Variants in UBE2E2 observed in about 807,000 individuals in gnomAD.
UBE2E2 encodes ubiquitin conjugating enzyme E2 E2.
In UBE2E2, 6 loss-of-function variants were observed where a neutral mutation model predicts 24.7. That is an observed-to-expected ratio of 0.24 (90% CI 0.13 to 0.48). UBE2E2 has a LOEUF of 0.48. Among genes scored for constraint, UBE2E2 ranks in the 20% least tolerant of loss-of-function variants. The pLI is 0.99. For missense variants in UBE2E2, 169 were observed against 245.0 expected (o/e 0.69, Z 2.07); for synonymous variants, 104 against 83.6 (o/e 1.24, Z -1.33).
At chr3:23,229,028 C>T (rs2125330554) in intron 3 of UBE2E2, among the ~76,000 whole-genome samples, 1 of 152,292 alleles carries the variant, frequency 6.6e-6, no homozygotes, top group African/African-American at 2.4e-5. Context: ...CATTCCGCTA[C>T]CATCACTTCT....
At chr3:23,578,730 G>A (rs1026067780) in intron 5 of UBE2E2, among the ~76,000 whole-genome samples, 6 of 152,142 alleles carry the variant, frequency 3.9e-5, no homozygotes, top group Admixed American at 2.6e-4. Flanking sequence ...AATGATGAGA[G>A]TACATGGAAA....
At chr3:23,564,157 TTGA>T (rs925418759) in intron 5 of UBE2E2, among the ~76,000 whole-genome samples, 1 of 152,152 alleles carries the variant, frequency 6.6e-6, no homozygotes, top group Non-Finnish European at 1.5e-5. Context: ...AAAAATATAA[TTGA>T]TGATGTAAAT....
intron 4 of UBE2E2, among the ~76,000 whole-genome samples, chr3:23,502,193 G>GT (rs201699473): frequency 6.7e-6 from 1 of 148,582 alleles, no homozygotes; most frequent in Non-Finnish European, 1.5e-5. Flanking sequence ...GTTGTCTTGG[G>GT]TTTTTTTTCT....
intron 3 of UBE2E2, among the ~76,000 whole-genome samples, chr3:23,299,856 G>A (rs369684868): frequency 1.3e-3 from 204 of 152,146 alleles, no homozygotes; most frequent in African/African-American, 4.5e-3. Context: ...TTTCTGTCTC[G>A]TTGATCTGTC....
intron 5 of UBE2E2, among the ~76,000 whole-genome samples, chr3:23,588,445 C>A (rs1454547457): frequency 7.5e-6 from 1 of 133,720 alleles, no homozygotes; most frequent in Non-Finnish European, 1.5e-5. Flanking sequence ...TAAAGAGGGT[C>A]TCACTCTGTC....
At chr3:23,384,321 A>T (rs1365446972) in intron 3 of UBE2E2, among the ~76,000 whole-genome samples, 1 of 148,950 alleles carries the variant, frequency 6.7e-6, no homozygotes. Flanking sequence ...GTTCTGCCAC[A>T]CCCAGCTAAT....
At chr3:23,313,202 T>C (rs1197218869) in intron 3 of UBE2E2, among the ~76,000 whole-genome samples, 1 of 152,162 alleles carries the variant, frequency 6.6e-6, no homozygotes, top group African/African-American at 2.4e-5. Context: ...ACCCTTTTAT[T>C]GTTATATAGT....
Position 23,590,065 on chromosome 3 carries a change from T to A in UBE2E2, c.*234T>A. 2.3e-6 allele frequency: 1 copy of A among 433,588 alleles called. No individual in the cohort carries two copies. Among genetic ancestry groups the A allele is most frequent in the Non-Finnish European group, 4.1e-6 (1 of 243,530 alleles). The allele number at this position is 433,588 out of a possible 1,614,324, so 26.9% of individuals were successfully genotyped here. A position where few individuals can be genotyped will look rare whatever the true frequency, so the allele number is the denominator to read the frequency against. On this transcript the variant is annotated 3_prime_UTR_variant, in exon 6 of 6. Transcript: ENST00000396703. ...ATTCCCTTGTTGATTTCTGTTAACT[T>A]GAAAGATTTGGGATTTTTTCCCACC...
chr3:23,540,849 A>G (rs757708148), intron 5 of UBE2E2, among the ~76,000 whole-genome samples: 2 of 152,190 alleles, frequency 1.3e-5, no homozygotes, highest in South Asian at 4.2e-4. Context: ...TCCTGCCTCA[A>G]CCTCCCAAGA....
At chr3:23,227,532 C>T (rs1267095525) in intron 3 of UBE2E2, among the ~76,000 whole-genome samples, 2 of 152,142 alleles carry the variant, frequency 1.3e-5, no homozygotes, top group Non-Finnish European at 2.9e-5. Context: ...ATTTAGGGTA[C>T]TGAATTATTT....
intron 5 of UBE2E2, among the ~76,000 whole-genome samples, chr3:23,533,509 G>A (rs1438413011): frequency 6.6e-6 from 1 of 151,880 alleles, no homozygotes; most frequent in Non-Finnish European, 1.5e-5. Flanking sequence ...TATCAGTGGG[G>A]TTGCTTAGGA....
At chr3:23,275,385 G>A (rs1698354019) in intron 3 of UBE2E2, among the ~76,000 whole-genome samples, 1 of 152,174 alleles carries the variant, frequency 6.6e-6, no homozygotes, top group South Asian at 2.1e-4. Flanking sequence ...AGCTGAAATA[G>A]ACCAATTGTG....
chr3:23,307,699 T>C (rs1699274112), intron 3 of UBE2E2, among the ~76,000 whole-genome samples: 1 of 152,192 alleles, frequency 6.6e-6, no homozygotes, highest in Admixed American at 6.6e-5. Flanking sequence ...TAAACAGTCA[T>C]ATGGGTTCAG....
At chr3:23,226,690 C>T (rs1014192004) in intron 3 of UBE2E2, among the ~76,000 whole-genome samples, 1 of 152,110 alleles carries the variant, frequency 6.6e-6, no homozygotes, top group African/African-American at 2.4e-5. Context: ...ATTCTTGGGA[C>T]AGTGAGTTTA....
intron 3 of UBE2E2, among the ~76,000 whole-genome samples, chr3:23,379,972 C>G (rs1696625273): frequency 6.6e-6 from 1 of 151,726 alleles, no homozygotes; most frequent in Non-Finnish European, 1.5e-5. Flanking sequence ...GGCAGTCTTT[C>G]TCCCAGATAC....
At chr3:23,588,572 G>A (rs376332968) in intron 5 of UBE2E2, among the ~76,000 whole-genome samples, 10 of 151,812 alleles carry the variant, frequency 6.6e-5, no homozygotes, top group South Asian at 6.3e-4. Flanking sequence ...ATGAGCCACC[G>A]TGCCCCAATT....
At chr3:23,278,661 G>A (rs1487314660) in intron 3 of UBE2E2, among the ~76,000 whole-genome samples, 1 of 152,102 alleles carries the variant, frequency 6.6e-6, no homozygotes, top group Non-Finnish European at 1.5e-5. Flanking sequence ...TGAATTAAAT[G>A]TATGCTTCCT....
chr3:23,381,444 A>G (rs1353537085), intron 3 of UBE2E2, among the ~76,000 whole-genome samples: 1 of 152,212 alleles, frequency 6.6e-6, no homozygotes, highest in Non-Finnish European at 1.5e-5. Flanking sequence ...GAAGAAGGTA[A>G]GTTATGGGTA....
chr3:23,570,840 A>G (rs944121244), intron 5 of UBE2E2, among the ~76,000 whole-genome samples: 1 of 152,180 alleles, frequency 6.6e-6, no homozygotes. Context: ...GTGTCCTCCA[A>G]TTTTTGTACT....
Sources: allele counts gnomAD v4.1 joint callset (sites outside exome capture counted in the v4.1 genomes callset), GRCh38; gene constraint gnomAD v4.1.1; transcripts MANE v1.5; gene names NCBI Gene and HGNC (gene_info 2026-07-23, HGNC 2026-07-21).